The following GABRA1 variants were observed in gnomAD, a reference collection of about 807,000 sequenced individuals.
GABRA1 encodes gamma-aminobutyric acid receptor subunit alpha-1.
GABRA1 carries 9 observed loss-of-function variants against 48.9 expected under a neutral mutation model. That is an observed-to-expected ratio of 0.18 (90% CI 0.11 to 0.32). GABRA1 has a LOEUF of 0.32. GABRA1 is among the 10% of genes least tolerant of loss of function. The pLI is 1.00. For synonymous variants in GABRA1, 210 were observed against 198.7 expected, an observed-to-expected ratio of 1.06 and a Z score of -0.48; for missense variants, 285 against 553.8, an observed-to-expected ratio of 0.51 and a Z score of 4.87.
chr5:161,866,835 T>A (rs1474879258), intron 4 of GABRA1, among the ~76,000 whole-genome samples: 2 of 152,082 alleles, frequency 1.3e-5, no homozygotes, highest in Non-Finnish European at 2.9e-5. Context: ...TTAAGACAAG[T>A]TTTGAAATAT....
chr5:161,854,697 A>G (rs1033656142), intron 3 of GABRA1, among the ~76,000 whole-genome samples: 1 of 151,630 alleles, frequency 6.6e-6, no homozygotes, highest in African/African-American at 2.4e-5. Context: ...TTGATCCACT[A>G]TTATGTGTTA....
At chr5:161,857,489 T>A (rs1198647833) in intron 3 of GABRA1, among the ~76,000 whole-genome samples, 1 of 151,560 alleles carries the variant, frequency 6.6e-6, no homozygotes, top group Non-Finnish European at 1.5e-5. Context: ...AGGAATCAGT[T>A]TGCAAATACT....
At position 161,882,687 on chromosome 5, in the gene GABRA1, T is replaced by C; in HGVS notation, c.689T>C (p.Val230Ala). 6.2e-7 allele frequency: 1 copy of C among 1,613,534 alleles called. No homozygotes were observed. Among genetic ancestry groups the C allele is most frequent in the Non-Finnish European group, 8.5e-7 (1 of 1,179,648 alleles). ...GGACAAACAGTAGACTCTGGAATTG[T>C]CCAGTCAAGTACAGGTAAGTACGAT... ...LLGQTVDSGI[V>A]QSSTGEYVVM... Residue 230 changes from valine (V) to alanine (A), a missense_variant, in exon 7 of 10, where the codon GTC becomes GCC. This residue lies in a region of GABRA1 where 105 missense variants were observed against 267.4 expected (regional missense o/e 0.39). Coordinates refer to ENST00000393943, the MANE Select transcript of GABRA1 (RefSeq NM_001127644.2).
intron 6 of GABRA1, among the ~76,000 whole-genome samples, chr5:161,881,034 A>C (rs145565821): frequency 1.0e-3 from 155 of 152,342 alleles, no homozygotes; most frequent in Middle Eastern, 6.8e-3. Context: ...AAAGATGAAT[A>C]TAATCCAGAT....
chr5:161,887,971 G>A (rs2113435676), intron 7 of GABRA1, among the ~76,000 whole-genome samples: 1 of 152,232 alleles, frequency 6.6e-6, no homozygotes, highest in South Asian at 2.1e-4. Context: ...TAATATTTGA[G>A]AAGGCAAAGA....
At chr5:161,850,419 A>C in intron 1 of GABRA1, 1 of 443,706 alleles carries the variant, frequency 2.3e-6, no homozygotes, top group East Asian at 3.3e-5. Flanking sequence ...TTCACTGTGG[A>C]AACTGAAATC....
intron 2 of GABRA1, among the ~76,000 whole-genome samples, chr5:161,853,235 A>G (rs755145227): frequency 6.6e-6 from 1 of 151,922 alleles, no homozygotes; most frequent in Non-Finnish European, 1.5e-5. Context: ...GAAATACACA[A>G]TTTTTGAACT....
intron 5 of GABRA1, 122 bp downstream of exon 5, chr5:161,873,459 A>T (rs1413754975): frequency 2.4e-5 from 19 of 794,484 alleles, no homozygotes; most frequent in Non-Finnish European, 3.7e-5. Flanking sequence ...CAACCTTAAC[A>T]ATCTTAAAAA....
chr5:161,860,590 T>A (rs1020283869), intron 3 of GABRA1, among the ~76,000 whole-genome samples: 1 of 151,806 alleles, frequency 6.6e-6, no homozygotes, highest in Non-Finnish European at 1.5e-5. Flanking sequence ...AGGGTGACTA[T>A]AATCAATAAC....
chr5:161,859,036 C>A (rs748948012), intron 3 of GABRA1, among the ~76,000 whole-genome samples: 4 of 151,664 alleles, frequency 2.6e-5, no homozygotes, highest in Non-Finnish European at 5.9e-5. Context: ...TTTATCCCTG[C>A]TACACATTTA....
At chr5:161,863,822 ATATCT>A (rs1757952524) in intron 3 of GABRA1, among the ~76,000 whole-genome samples, 1 of 151,974 alleles carries the variant, frequency 6.6e-6, no homozygotes, top group African/African-American at 2.4e-5. Context: ...AGCTTTTGAA[ATATCT>A]TAGAGTAGCA....
intron 3 of GABRA1, among the ~76,000 whole-genome samples, chr5:161,864,305 A>G (rs919157712): frequency 1.1e-4 from 17 of 152,052 alleles, no homozygotes; most frequent in African/African-American, 4.1e-4. Flanking sequence ...TGCACCCACT[A>G]ACTCATCATC....
chr5:161,863,586 A>G lies in GABRA1; in HGVS notation c.188-2135A>G, dbSNP rs1581188087. 4.6e-5 allele frequency among the ~76,000 whole-genome samples: 7 copies of G among 151,972 alleles called. 1 individual carries two copies. In the South Asian group the frequency reaches 1.4e-3, roughly 31 times the overall value. On this transcript the variant is annotated intron_variant, in intron 3 of 9. Coordinates refer to ENST00000393943, the MANE Select transcript of GABRA1 (RefSeq NM_001127644.2). ...CACCCCCAAAATCCAAACACTTCCCACCAGGCCCCAGCTCCAAAATTGGGA... is the reference window on the plus strand; with the variant it reads ...CACCCCCAAAATCCAAACACTTCCCGCCAGGCCCCAGCTCCAAAATTGGGA...
At chr5:161,874,526 G>A (rs563902600) in intron 5 of GABRA1, among the ~76,000 whole-genome samples, 3 of 152,110 alleles carry the variant, frequency 2.0e-5, no homozygotes, top group African/African-American at 7.2e-5. Flanking sequence ...TTTCTGAGGA[G>A]AGACTTGCAT....
Position 161,891,049 on chromosome 5 carries a change from T to C in GABRA1, c.855T>C (p.Phe285=). The C allele has an allele frequency of 6.2e-7, 1 of 1,613,694 alleles. No individual in the cohort carries two copies. Residue 285 remains phenylalanine, a splice_region_variant and synonymous_variant, in exon 8 of 10, where the codon TTT becomes TTC. Coordinates refer to ENST00000393943, the MANE Select transcript of GABRA1 (RefSeq NM_001127644.2). The part of the protein sequence containing the change: ...NRESVPARTV[F]GVTTVLTMTT... The stretch of plus-strand genomic sequence containing the variant: ...AGTCTGTACCAGCAAGAACTGTCTT[T>C]GGTAAGTCCCAATCAAGATACATAC...
intron 3 of GABRA1, 32 bp downstream of exon 3, chr5:161,854,302 G>T: frequency 9.0e-7 from 1 of 1,106,836 alleles, no homozygotes; most frequent in Non-Finnish European, 1.4e-6. Context: ...TTGTTTTAGA[G>T]AATAATATGA....
rs577468113 is a variant in GABRA1 at position 161,860,686 on chromosome 5, T to C, written c.188-5035T>C. Among the ~76,000 whole-genome samples the C allele has an allele frequency of 4.0e-5, 6 of 150,962 alleles. No homozygotes were observed. In the East Asian group the frequency reaches 9.7e-4, roughly 24 times the overall value. On this transcript the variant is annotated intron_variant, in intron 3 of 9. Coordinates refer to ENST00000393943, the MANE Select transcript of GABRA1 (RefSeq NM_001127644.2). ...GAATAAATGCTTGAGGTGATGGATA[T>C]CCTGTTTTCTATGATGTGATTATGA...
Position 161,873,231 on chromosome 5 carries a change from C to A in GABRA1, c.370C>A (p.Pro124Thr). 6.2e-7 allele frequency: 1 copy of A among 1,613,820 alleles called. No individual in the cohort carries two copies. Among genetic ancestry groups the A allele is most frequent in the Non-Finnish European group, 8.5e-7 (1 of 1,179,786 alleles). Residue 124 changes from proline to threonine, a missense_variant, in exon 5 of 10, where the codon CCG (proline) becomes ACG (threonine). Physicochemically the swap from Pro to Thr is conservative, Grantham distance 38. Coordinates refer to ENST00000393943, the MANE Select transcript of GABRA1 (RefSeq NM_001127644.2). The part of the protein sequence containing the change: ...NNLMASKIWT[P>T]DTFFHNGKKS... ...CCTAATGGCAAGTAAAATCTGGACT[C>A]CGGACACATTTTTCCACAATGGAAA...
At chr5:161,896,097 G>A in intron 9 of GABRA1, among the ~76,000 whole-genome samples, 1 of 152,096 alleles carries the variant, frequency 6.6e-6, no homozygotes, top group Non-Finnish European at 1.5e-5. Context: ...AGTCAGGAAG[G>A]CAAACATTTC....
Sources: gnomAD v4.1 joint callset for allele counts (sites outside exome capture counted in the v4.1 genomes callset) on GRCh38, gnomAD v4.1.1 for gene constraint, gnomAD v4.1.1 regional missense constraint, MANE v1.5 for transcripts, NCBI Gene and HGNC (gene_info 2026-07-23, HGNC 2026-07-21) for gene names.